Variants in SERPINB8 observed in about 807,000 individuals in gnomAD.
SERPINB8 encodes serpin family B member 8.
A neutral mutation model predicts 35.3 loss-of-function variants in SERPINB8; 25 were observed. The observed-to-expected ratio is 0.71, with a 90% confidence interval of 0.52 to 0.99. The LOEUF (loss-of-function observed/expected upper bound fraction) is 0.99, where lower values mean the gene tolerates loss of function less well. Among genes scored for constraint, SERPINB8 ranks in the 50% least tolerant of loss-of-function variants. The pLI, the probability that SERPINB8 is intolerant of heterozygous loss-of-function variation, is 0.00. For synonymous variants in SERPINB8, 186 were observed against 160.8 expected (o/e 1.16, Z -1.19); for missense variants, 484 against 446.5 (o/e 1.08, Z -0.76).
At chr18:64,018,011 GAA>G (rs2050958555) in intron 7 of SERPINB8, among the ~76,000 whole-genome samples, 2 of 152,140 alleles carry the variant, frequency 1.3e-5, no homozygotes, top group African/African-American at 4.8e-5. Context: ...ATTTCTTTCA[GAA>G]GTTCAAAAAC....
intron 3 of SERPINB8, among the ~76,000 whole-genome samples, chr18:63,980,946 G>C (rs996837891): frequency 2.0e-5 from 3 of 152,074 alleles, no homozygotes; most frequent in Non-Finnish European, 4.4e-5. Flanking sequence ...TTTCTGATTG[G>C]ACCCCAACTT....
At chr18:63,980,466 A>G (rs761038609) in intron 3 of SERPINB8, among the ~76,000 whole-genome samples, 1 of 152,232 alleles carries the variant, frequency 6.6e-6, no homozygotes, top group Non-Finnish European at 1.5e-5. Context: ...GTGAGGTTCA[A>G]AAATCATGCC....
Position 63,979,794 on chromosome 18 carries a change from T to C in SERPINB8, c.169-7T>C. ...CGTTAAAAGTCAGTGTTGGTTTCTG[T>C]TCCCAGGCACTTTGTTTATACAAAG... On this transcript the variant is annotated splice_polypyrimidine_tract_variant and splice_region_variant and intron_variant, in intron 2 of 6. Coordinates refer to ENST00000397985, the MANE Select transcript of SERPINB8 (RefSeq NM_002640.4). 1 of 1,614,000 alleles carries C rather than the reference T, an allele frequency of 6.2e-7. No homozygotes were observed. Among genetic ancestry groups the C allele is most frequent in the Non-Finnish European group, 8.5e-7 (1 of 1,179,924 alleles).
intron 1 of SERPINB8, among the ~76,000 whole-genome samples, chr18:63,995,997 T>C (rs1181659461): frequency 1.3e-5 from 2 of 152,164 alleles, no homozygotes; most frequent in African/African-American, 2.4e-5. Context: ...GGTGGTTGCG[T>C]AGGCCATCAT....
At chr18:64,012,699 G>C (rs1321594123) in intron 7 of SERPINB8, among the ~76,000 whole-genome samples, 1 of 151,720 alleles carries the variant, frequency 6.6e-6, no homozygotes, top group East Asian at 1.9e-4. Flanking sequence ...TGTCAATCTT[G>C]GTTCTTGCAT....
At chr18:63,975,140 C>CA (rs2050561306) in intron 1 of SERPINB8, among the ~76,000 whole-genome samples, 1 of 150,166 alleles carries the variant, frequency 6.7e-6, no homozygotes, top group Admixed American at 6.6e-5. Flanking sequence ...CACACACACA[C>CA]CCCAACCTAA....
chr18:64,016,308 GCACAA>G (rs1170150279), intron 7 of SERPINB8, among the ~76,000 whole-genome samples: 4 of 152,144 alleles, frequency 2.6e-5, no homozygotes, highest in Non-Finnish European at 5.9e-5. Flanking sequence ...CCAAATTAGG[GCACAA>G]CACAAGTGTG....
At chr18:64,001,461 C>T (rs201523886) in intron 1 of SERPINB8, among the ~76,000 whole-genome samples, 3 of 145,246 alleles carry the variant, frequency 2.1e-5, no homozygotes, top group South Asian at 2.2e-4. Flanking sequence ...CTTTTCTTTT[C>T]TGTTTGTTTG....
At chr18:64,012,274 T>G (rs1302113636) in intron 7 of SERPINB8, among the ~76,000 whole-genome samples, 1 of 152,192 alleles carries the variant, frequency 6.6e-6, no homozygotes, top group African/African-American at 2.4e-5. Flanking sequence ...CTTAGTAATA[T>G]GTGAAATAAT....
chr18:64,010,521 T>A (rs1371844188), downstream of SERPINB8, among the ~76,000 whole-genome samples: 1 of 152,262 alleles, frequency 6.6e-6, no homozygotes, highest in African/African-American at 2.4e-5. Flanking sequence ...TACAGTAGAA[T>A]CACAGTCATC....
downstream of SERPINB8, among the ~76,000 whole-genome samples, chr18:64,008,708 T>A (rs1169598423): frequency 1.3e-5 from 2 of 152,140 alleles, no homozygotes; most frequent in Non-Finnish European, 2.9e-5. Flanking sequence ...TATTCAAATA[T>A]AATTATTTAA....
At chr18:63,991,244 T>A (rs543803526), downstream of SERPINB8, among the ~76,000 whole-genome samples, 5 of 152,378 alleles carry the variant, frequency 3.3e-5, no homozygotes, top group East Asian at 5.8e-4. Context: ...GCTTGTTGAC[T>A]TGTACAAAGC....
exon 2 of SERPINB8, chr18:64,004,847 G>A (rs2050892488): frequency 7.5e-6 from 3 of 398,442 alleles, no homozygotes; most frequent in East Asian, 3.6e-5. Flanking sequence ...AGCTTCTTCT[G>A]TGACATTCTT....
At chr18:64,012,567 ATGTATGTG>A (rs962596925) in intron 7 of SERPINB8, among the ~76,000 whole-genome samples, 14 of 107,002 alleles carry the variant, frequency 1.3e-4, no homozygotes, top group East Asian at 5.2e-4. Context: ...ATATCTGTGT[ATGTATGTG>A]TGTGTGTGTG....
At chr18:63,986,381 C>G in intron 6 of SERPINB8, 4 of 1,557,514 alleles carry the variant, frequency 2.6e-6, no homozygotes, top group South Asian at 1.3e-5. Context: ...TCATGCCTCC[C>G]TTCATCTTCA....
chr18:64,017,554 G>GAACT (rs1238420970), intron 7 of SERPINB8, among the ~76,000 whole-genome samples: 3 of 152,076 alleles, frequency 2.0e-5, no homozygotes, highest in African/African-American at 7.2e-5. Context: ...TCCTGTACAT[G>GAACT]AACTAGTTGA....
intron 1 of SERPINB8, among the ~76,000 whole-genome samples, chr18:64,002,731 C>G (rs915240839): frequency 1.3e-5 from 2 of 152,056 alleles, no homozygotes. Context: ...GGGCGTCGGC[C>G]GACCCCGCCC....
At chr18:63,990,234 G>T (rs974259136), downstream of SERPINB8, among the ~76,000 whole-genome samples, 1 of 151,446 alleles carries the variant, frequency 6.6e-6, no homozygotes, top group African/African-American at 2.4e-5. Context: ...TGCCACCACA[G>T]CCGGCTAATT....
chr18:63,981,901 ATGGG>A, intron 4 of SERPINB8, 63 bp downstream of exon 4: 9 of 1,201,872 alleles, frequency 7.5e-6, no homozygotes, highest in African/African-American at 1.5e-5. Flanking sequence ...ATTGACTGGG[ATGGG>A]ACTTCCCAGG....
Sources: gnomAD v4.1 joint callset for allele counts (sites outside exome capture counted in the v4.1 genomes callset) on GRCh38, gnomAD v4.1.1 for gene constraint, MANE v1.5 for transcripts, NCBI Gene and HGNC (gene_info 2026-07-23, HGNC 2026-07-21) for gene names.